UNC13C: variants seen among roughly 807,000 people sequenced by gnomAD.
UNC13C encodes the protein protein unc-13 homolog C.
A neutral mutation model predicts 245.4 loss-of-function variants in UNC13C; 174 were observed. That is an observed-to-expected ratio of 0.71 (90% confidence interval 0.63 to 0.80). UNC13C has a LOEUF of 0.80. UNC13C is among the 30% of genes least tolerant of loss of function. The pLI, the probability that UNC13C is intolerant of heterozygous loss-of-function variation, is 0.00. For synonymous variants in UNC13C, 992 were observed against 895.1 expected, an observed-to-expected ratio of 1.11 and a Z score of -1.93; for missense variants, 2,829 against 2,602.9, an observed-to-expected ratio of 1.09 and a Z score of -1.89.
Position 54,461,573 on chromosome 15 carries a change from A to G in UNC13C, c.4934-33035A>G, listed in dbSNP as rs568871612. Reference sequence around the variant, plus strand: ...ATTAAAAATCCATTAATAATTGTGAAAATACTACATGTATTTATGATTATG... The same window carrying G: ...ATTAAAAATCCATTAATAATTGTGAGAATACTACATGTATTTATGATTATG... On this transcript the variant is annotated intron_variant, in intron 19 of 32. Coordinates refer to ENST00000260323, the MANE Select transcript of UNC13C (RefSeq NM_001080534.3). Among the ~76,000 whole-genome samples the G allele has an allele frequency of 3.2e-4, 49 of 152,302 alleles. 1 individual carries two copies. The South Asian group carries it at 0.01, about 32-fold the overall frequency.
chr15:54,070,204 A>G (rs1898255046), intron 2 of UNC13C, among the ~76,000 whole-genome samples: 1 of 152,236 alleles, frequency 6.6e-6, no homozygotes, highest in Non-Finnish European at 1.5e-5. Flanking sequence ...CTGTTTTTAC[A>G]TCAATTCAAA....
chr15:54,384,477 C>T (rs2039794116), intron 17 of UNC13C, among the ~76,000 whole-genome samples: 2 of 152,014 alleles, frequency 1.3e-5, no homozygotes, highest in Admixed American at 1.3e-4. Flanking sequence ...TGAAACTGGA[C>T]CCCTGTCTCT....
At chr15:54,476,512 C>T (rs1295991462) in intron 19 of UNC13C, among the ~76,000 whole-genome samples, 4 of 151,786 alleles carry the variant, frequency 2.6e-5, no homozygotes, top group Non-Finnish European at 5.9e-5. Context: ...GATCCAGTTT[C>T]AGCTTTCTAC....
intron 4 of UNC13C, among the ~76,000 whole-genome samples, chr15:54,213,205 G>A (rs557661530): frequency 3.9e-5 from 6 of 151,922 alleles, no homozygotes; most frequent in East Asian, 1.9e-4. Flanking sequence ...GAAGCATTAG[G>A]TTATACCCTA....
the UNC13C span, among the ~76,000 whole-genome samples, chr15:53,917,387 C>T: frequency 6.6e-6 from 1 of 152,052 alleles, no homozygotes; most frequent in Non-Finnish European, 1.5e-5. Flanking sequence ...AAGAACTAGG[C>T]TCCCGAAAAA....
intron 19 of UNC13C, among the ~76,000 whole-genome samples, chr15:54,467,540 A>C (rs1291942548): frequency 6.6e-6 from 1 of 151,678 alleles, no homozygotes; most frequent in Non-Finnish European, 1.5e-5. Flanking sequence ...TATTTACTGT[A>C]GTCACCATGC....
At chr15:54,274,667 CTTTT>C (rs10646701) in intron 10 of UNC13C, among the ~76,000 whole-genome samples, 1 of 91,602 alleles carries the variant, frequency 1.1e-5, no homozygotes, top group African/African-American at 4.6e-5. Flanking sequence ...ATAAAGTAGA[CTTTT>C]TTTTTTTTTT....
At chr15:54,298,590 A>G (rs1000078582) in intron 12 of UNC13C, among the ~76,000 whole-genome samples, 1 of 152,182 alleles carries the variant, frequency 6.6e-6, no homozygotes, top group African/African-American at 2.4e-5. Flanking sequence ...AGTAGGGCCT[A>G]GTTGGCTTGG....
chr15:54,516,451 G>A (rs372682611), intron 24 of UNC13C, among the ~76,000 whole-genome samples: 1 of 152,158 alleles, frequency 6.6e-6, no homozygotes, highest in Non-Finnish European at 1.5e-5. Context: ...ATCTCTGGGT[G>A]ACGCTGATGC....
At chr15:54,616,945 T>C (rs1041528362) in intron 30 of UNC13C, among the ~76,000 whole-genome samples, 5 of 152,076 alleles carry the variant, frequency 3.3e-5, no homozygotes. Context: ...TAGCTATGTT[T>C]AGATACACAA....
chr15:54,386,334 A>G (rs1168527344), intron 17 of UNC13C, among the ~76,000 whole-genome samples: 2 of 152,230 alleles, frequency 1.3e-5, no homozygotes, highest in African/African-American at 2.4e-5. Flanking sequence ...TGCTATAGCA[A>G]TAAAGTCAGC....
chr15:54,183,601 T>G (rs919336723), intron 4 of UNC13C, among the ~76,000 whole-genome samples: 1 of 151,908 alleles, frequency 6.6e-6, no homozygotes, highest in African/African-American at 2.4e-5. Context: ...CAAAAGAAAT[T>G]TACTCACATA....
chr15:53,946,262 A>C, the UNC13C span, among the ~76,000 whole-genome samples: 1 of 152,088 alleles, frequency 6.6e-6, no homozygotes, highest in African/African-American at 2.4e-5. Context: ...CAGGACTTCT[A>C]GTACAATGTT....
chr15:54,551,228 T>A (rs905218430), intron 28 of UNC13C, among the ~76,000 whole-genome samples: 1 of 152,100 alleles, frequency 6.6e-6, no homozygotes, highest in South Asian at 2.1e-4. Flanking sequence ...TGTGTGTAAG[T>A]TGGTTGTCTC....
At chr15:54,446,699 A>C (rs559259337) in intron 19 of UNC13C, among the ~76,000 whole-genome samples, 2 of 152,170 alleles carry the variant, frequency 1.3e-5, no homozygotes, top group East Asian at 3.8e-4. Context: ...GGCTGAGATA[A>C]TGGGGTTTTC....
chr15:54,573,253 A>G (rs549158228), intron 30 of UNC13C, among the ~76,000 whole-genome samples: 1 of 152,010 alleles, frequency 6.6e-6, no homozygotes, highest in East Asian at 1.9e-4. Context: ...CTCCTTCATT[A>G]TTCTCTTTTG....
At chr15:54,186,856 T>TATATATATATA (rs1567079918) in intron 4 of UNC13C, among the ~76,000 whole-genome samples, 12 of 120,200 alleles carry the variant, frequency 1.0e-4, no homozygotes, top group East Asian at 4.9e-4. Context: ...TATATATATA[T>TATATATATATA]TTTGTTTTTT....
the UNC13C span, among the ~76,000 whole-genome samples, chr15:53,894,689 G>A: frequency 2.0e-5 from 3 of 152,128 alleles, no homozygotes; most frequent in Non-Finnish European, 4.4e-5. Flanking sequence ...ATTTATTTAT[G>A]TCACTTTGGT....
the UNC13C span, among the ~76,000 whole-genome samples, chr15:53,845,626 A>G: frequency 6.6e-6 from 1 of 152,232 alleles, no homozygotes; most frequent in African/African-American, 2.4e-5. Flanking sequence ...GCAAAGTTCA[A>G]TATAATTATA....
Sources: gnomAD v4.1 joint callset for allele counts (sites outside exome capture counted in the v4.1 genomes callset) on GRCh38, gnomAD v4.1.1 for gene constraint, MANE v1.5 for transcripts, NCBI Gene and HGNC (gene_info 2026-07-23, HGNC 2026-07-21) for gene names.